GRAMD1B: variants seen among roughly 807,000 people sequenced by gnomAD.
GRAMD1B encodes the protein protein Aster-B.
GRAMD1B carries 37 observed loss-of-function variants against 99.7 expected under a neutral mutation model. The ratio of observed to expected loss-of-function variants is 0.37; its 90% CI spans 0.29 to 0.49. The LOEUF is 0.49. Ranked by LOEUF, GRAMD1B falls within the 20% of genes least tolerant of loss-of-function variation. The pLI, the probability that GRAMD1B is intolerant of heterozygous loss-of-function variation, is 0.98. For missense variants in GRAMD1B, 888 were observed against 1,009.2 expected, an observed-to-expected ratio of 0.88 and a Z score of 1.63; for synonymous variants, 427 against 387.6, an observed-to-expected ratio of 1.10 and a Z score of -1.19.
intron 2 of GRAMD1B, among the ~76,000 whole-genome samples, chr11:123,512,065 G>C (rs11219181): frequency 0.19 from 28,733 of 152,216 alleles, 3,227 homozygotes; most frequent in East Asian, 0.47. Flanking sequence ...CTCTGTCTCC[G>C]CTTCCTCTCT....
At chr11:123,469,825 C>A (rs1240831693) in intron 1 of GRAMD1B, among the ~76,000 whole-genome samples, 1 of 120,436 alleles carries the variant, frequency 8.3e-6, no homozygotes, top group Non-Finnish European at 1.6e-5. Flanking sequence ...TCTTTTTCTT[C>A]TTCCACCTGA....
intron 2 of GRAMD1B, among the ~76,000 whole-genome samples, chr11:123,521,114 G>C (rs1942164566): frequency 6.6e-6 from 1 of 152,166 alleles, no homozygotes; most frequent in African/African-American, 2.4e-5. Context: ...TTACGTATTA[G>C]AGTATGCAAT....
chr11:123,556,630 A>T (rs7119790), intron 2 of GRAMD1B, among the ~76,000 whole-genome samples: 1 of 152,328 alleles, frequency 6.6e-6, no homozygotes, highest in African/African-American at 2.4e-5. Flanking sequence ...AGTTTTCTGT[A>T]TCTCTGAAGG....
At chr11:123,577,290 G>T in intron 2 of GRAMD1B, 77 bp from the exon 3 acceptor site, 1 of 1,246,786 alleles carries the variant, frequency 8.0e-7, no homozygotes, top group Non-Finnish European at 1.1e-6. Flanking sequence ...GCTTGTCCTT[G>T]GCCTCGATCA....
At position 123,593,283 on chromosome 11, in the gene GRAMD1B, G is replaced by A. The variant is rs1460071377; in HGVS notation, c.685-799G>A. 5.3e-5 allele frequency among the ~76,000 whole-genome samples: 8 copies of A among 152,246 alleles called. No homozygotes were observed. The East Asian group carries it at 1.5e-3, about 29-fold the overall frequency. On this transcript the variant is annotated intron_variant, in intron 4 of 19. Transcript: ENST00000635736. ...CAAACAAGATTGTAAGCCCTCAAAG[G>A]GCAGGATTTCTGTGTATTCAGCTGG... is the stretch of plus-strand genomic sequence containing the variant.
At chr11:123,555,631 G>A (rs1224288190) in intron 2 of GRAMD1B, among the ~76,000 whole-genome samples, 1 of 152,084 alleles carries the variant, frequency 6.6e-6, no homozygotes, top group Non-Finnish European at 1.5e-5. Flanking sequence ...TTACAGATGT[G>A]AGCCACTGTG....
intron 1 of GRAMD1B, among the ~76,000 whole-genome samples, chr11:123,383,073 A>C (rs886137916): frequency 6.6e-6 from 1 of 152,180 alleles, no homozygotes. Flanking sequence ...GATCTACTCT[A>C]CACATGCAGA....
At chr11:123,430,126 C>T (rs920304582), upstream of GRAMD1B, among the ~76,000 whole-genome samples, 3 of 152,268 alleles carry the variant, frequency 2.0e-5, no homozygotes, top group East Asian at 3.9e-4. Flanking sequence ...GGTCGAGTCC[C>T]TCCCCGAGGG....
At chr11:123,576,542 G>T (rs1948735955) in intron 2 of GRAMD1B, among the ~76,000 whole-genome samples, 1 of 152,166 alleles carries the variant, frequency 6.6e-6, no homozygotes, top group South Asian at 2.1e-4. Context: ...ATATCAAATA[G>T]TCAATATTTT....
chr11:123,512,432 T>G (rs1258193334), intron 2 of GRAMD1B, among the ~76,000 whole-genome samples: 1 of 152,222 alleles, frequency 6.6e-6, no homozygotes, highest in African/African-American at 2.4e-5. Context: ...TCTATTTGCA[T>G]ATGGAGGCAG....
rs189549775 is a variant in GRAMD1B, at chr11:123,568,768, A to G, written c.453-8599A>G. Reference sequence around the variant, plus strand: ...GGAAGAGAACTTCTATGCTGTAGGGAAAAAAAAGCAACTCTTCTCAAAGCT... The same window carrying G: ...GGAAGAGAACTTCTATGCTGTAGGGGAAAAAAAGCAACTCTTCTCAAAGCT... On this transcript the variant is annotated intron_variant, in intron 2 of 19. Transcript: ENST00000635736. Among the ~76,000 whole-genome samples, 4 of 152,136 alleles carry G rather than the reference A, an allele frequency of 2.6e-5. No individual in the cohort carries two copies. The East Asian group carries it at 7.7e-4, about 29-fold the overall frequency.
rs141722818 is a variant in GRAMD1B at position 123,557,830 on chromosome 11, G to A, written c.453-19537G>A. ...CATATACAGCTGTACATTTTGTAGTGGAAGAAGTAAAGTCCCCTCAAAATT... is the reference window on the plus strand; with the variant it reads ...CATATACAGCTGTACATTTTGTAGTAGAAGAAGTAAAGTCCCCTCAAAATT... On this transcript the variant is annotated intron_variant, in intron 2 of 19. Transcript: ENST00000635736. Among the ~76,000 whole-genome samples the A allele has an allele frequency of 1.6e-3, 245 of 152,154 alleles. 1 individual carries two copies. The highest frequency in any genetic ancestry group is 5.7e-3 in the African/African-American group (238 of 41,492).
intron 2 of GRAMD1B, among the ~76,000 whole-genome samples, chr11:123,576,614 A>ATAAGTACTTGGGAATAATAGGTAC (rs1948741673): frequency 6.6e-6 from 1 of 152,228 alleles, no homozygotes; most frequent in Non-Finnish European, 1.5e-5. Flanking sequence ...CAAGGTACTT[A>ATAAGTACTTGGGAATAATAGGTAC]TTGGGAATAA....
chr11:123,501,577 A>C (rs1008933489), intron 2 of GRAMD1B, among the ~76,000 whole-genome samples: 1 of 152,184 alleles, frequency 6.6e-6, no homozygotes, highest in East Asian at 1.9e-4. Context: ...CTTGAATCTC[A>C]TGGATCTTTT....
Position 123,591,736 on chromosome 11 carries a change from C to T in GRAMD1B, c.685-2346C>T, listed in dbSNP as rs1041669241. 1.3e-5 allele frequency among the ~76,000 whole-genome samples: 2 copies of T among 152,160 alleles called. No individual in the cohort carries two copies. Among genetic ancestry groups the T allele is most frequent in the Non-Finnish European group, 1.5e-5 (1 of 68,020 alleles). ...GGGAGAGGGCTGGGGTCCCTGGCTT[C>T]GAGAGGCTGCATGGTGGCAGGCCCA... On this transcript the variant is annotated intron_variant, in intron 4 of 19. Transcript: ENST00000635736. This position sits in a 1 kb window ranked among gnomAD's most constrained non-coding sequence, Gnocchi z 4.7.
chr11:123,477,759 T>C (rs1455561654), intron 1 of GRAMD1B, among the ~76,000 whole-genome samples: 17 of 143,264 alleles, frequency 1.2e-4, no homozygotes, highest in Non-Finnish European at 2.4e-4. Flanking sequence ...TCCCTTTCCC[T>C]TTTCCTTCCC....
rs1953340029 is a variant in GRAMD1B at position 123,610,133 on chromosome 11, A to G, written c.1777-63A>G. On this transcript the variant is annotated intron_variant, in intron 13 of 19. Coordinates refer to ENST00000635736, the MANE Select transcript of GRAMD1B (RefSeq NM_001387025.1). This position sits in a 1 kb window ranked among gnomAD's most constrained non-coding sequence, Gnocchi z 4.1. Reference sequence around the variant, plus strand: ...GGGGTGGGCTTGGGGAGGCTGGAGAAGGTGCTTTTCCAAGCTTCTTGCTCC... The same window carrying G: ...GGGGTGGGCTTGGGGAGGCTGGAGAGGGTGCTTTTCCAAGCTTCTTGCTCC... The G allele has an allele frequency of 1.3e-6, 2 of 1,540,028 alleles. No individual in the cohort carries two copies. The highest frequency in any genetic ancestry group is 4.5e-5 in the East Asian group (2 of 44,108).
At chr11:123,516,920 A>G (rs1591786933) in intron 2 of GRAMD1B, among the ~76,000 whole-genome samples, 1 of 152,234 alleles carries the variant, frequency 6.6e-6, no homozygotes, top group East Asian at 1.9e-4. Context: ...GACGCTCCAT[A>G]AGTATGGTTC....
intron 2 of GRAMD1B, among the ~76,000 whole-genome samples, chr11:123,488,253 G>A (rs1248565715): frequency 3.3e-5 from 5 of 152,108 alleles, no homozygotes; most frequent in Non-Finnish European, 7.4e-5. Context: ...ATACATTTGG[G>A]GGTGGGGCAC....
Sources: gnomAD v4.1 joint callset for allele counts (sites outside exome capture counted in the v4.1 genomes callset) on GRCh38, gnomAD v4.1.1 for gene constraint, Gnocchi (gnomAD v3.1) non-coding constraint, MANE v1.5 for transcripts, NCBI Gene and HGNC (gene_info 2026-07-23, HGNC 2026-07-21) for gene names.